Variants in DOCK2 observed in about 807,000 individuals in gnomAD.
DOCK2 encodes dedicator of cytokinesis 2.
In DOCK2, 87 loss-of-function variants were observed where a neutral mutation model predicts 248.9. That is an observed-to-expected ratio of 0.35 (90% CI 0.29 to 0.42). The LOEUF is 0.42. DOCK2 is among the 10% of genes least tolerant of loss of function. The pLI, the probability that DOCK2 is intolerant of heterozygous loss-of-function variation, is 1.00. For missense variants in DOCK2, 1,747 were observed against 2,300.2 expected (o/e 0.76, Z 4.92); for synonymous variants, 805 against 821.6 (o/e 0.98, Z 0.35).
chr5:169,842,856 G>A (rs1770070601), intron 27 of DOCK2, among the ~76,000 whole-genome samples: 1 of 152,140 alleles, frequency 6.6e-6, no homozygotes. Flanking sequence ...ACTCAGTACT[G>A]CCAGTCCTAT....
intron 35 of DOCK2, 144 bp downstream of exon 35, chr5:170,034,699 G>A: frequency 1.7e-6 from 2 of 1,192,128 alleles, no homozygotes; most frequent in Non-Finnish European, 2.3e-6. Flanking sequence ...AACGTCTGCT[G>A]CGCTTTCTGC....
intron 25 of DOCK2, among the ~76,000 whole-genome samples, chr5:169,795,852 G>A (rs915476755): frequency 2.6e-5 from 4 of 152,220 alleles, no homozygotes; most frequent in Admixed American, 2.6e-4. Context: ...CACAGGGAGG[G>A]CAGGGTGAGC....
intron 26 of DOCK2, among the ~76,000 whole-genome samples, chr5:169,817,351 T>A (rs1265032750): frequency 6.6e-6 from 1 of 152,240 alleles, no homozygotes; most frequent in Non-Finnish European, 1.5e-5. Flanking sequence ...TATCTTTCTA[T>A]CCAACAGCTC....
chr5:169,637,643 C>G (rs1756900847), intron 1 of DOCK2, among the ~76,000 whole-genome samples: 1 of 152,208 alleles, frequency 6.6e-6, no homozygotes, highest in Non-Finnish European at 1.5e-5. Context: ...CTGCGCTTGA[C>G]AACTCAGTTC....
In DOCK2 at chr5:169,674,456, T is replaced by C. The variant is rs1328574083; in HGVS notation, c.470+11T>C. 1.2e-6 allele frequency: 2 copies of C among 1,613,814 alleles called. No homozygotes were observed. The highest frequency in any genetic ancestry group is 1.3e-5 in the African/African-American group (1 of 74,922). On this transcript the variant is annotated intron_variant, in intron 6 of 51. Coordinates refer to ENST00000520908, the MANE Select transcript of DOCK2 (RefSeq NM_004946.3). ...TGACTATGGCAACAAGTAACCTCTC[T>C]TTCCTCTGCAAAGAGGTTTTCTTCC...
intron 8 of DOCK2, among the ~76,000 whole-genome samples, chr5:169,687,535 G>A (rs957358587): frequency 3.9e-5 from 6 of 152,102 alleles, no homozygotes; most frequent in African/African-American, 1.4e-4. Flanking sequence ...TGCCTTCTTA[G>A]GCTAACTTGA....
At chr5:169,677,516 G>A (rs551640745) in intron 6 of DOCK2, among the ~76,000 whole-genome samples, 24 of 152,236 alleles carry the variant, frequency 1.6e-4, no homozygotes, top group Middle Eastern at 3.4e-3. Context: ...ATGTTTACCC[G>A]TTGTGCATGC....
chr5:169,695,930 G>C lies in DOCK2; in HGVS notation c.971G>C (p.Gly324Ala). 6.2e-7 allele frequency: 1 copy of C among 1,602,070 alleles called. No individual in the cohort carries two copies. The highest frequency in any genetic ancestry group is 8.5e-7 in the Non-Finnish European group (1 of 1,174,412). The change falls in exon 10 of 52, where the codon GGG becomes GCG. Residue 324 changes from glycine (G) to alanine (A), a missense_variant. This residue lies in a region of DOCK2 where 375 missense variants were observed against 510.9 expected (regional missense o/e 0.73). Transcript: ENST00000520908. ...KCTQGLRRPFGVAVMDITDII... is the reference protein window; with the variant it reads ...KCTQGLRRPFAVAVMDITDII... ...ACGCAGGGACTGAGGAGGCCCTTTG[G>C]GGTGGCAGGTAAGGGGCACACTCTG...
At chr5:169,893,190 C>A (rs910206598) in intron 27 of DOCK2, among the ~76,000 whole-genome samples, 2 of 152,204 alleles carry the variant, frequency 1.3e-5, no homozygotes, top group Admixed American at 1.3e-4. Flanking sequence ...GGCACCTGCC[C>A]TGTAGGGACA....
At chr5:169,898,695 T>C (rs980224229) in intron 27 of DOCK2, among the ~76,000 whole-genome samples, 1 of 152,176 alleles carries the variant, frequency 6.6e-6, no homozygotes, top group Non-Finnish European at 1.5e-5. Flanking sequence ...TTTGCAGCTG[T>C]GTAGGCCATG....
At chr5:170,065,560 A>G (rs375113402) in intron 44 of DOCK2, among the ~76,000 whole-genome samples, 2 of 152,218 alleles carry the variant, frequency 1.3e-5, no homozygotes, top group South Asian at 2.1e-4. Context: ...TTACAAAAGA[A>G]AGACGTTTAT....
At chr5:169,819,254 G>A (rs1007883996) in intron 26 of DOCK2, among the ~76,000 whole-genome samples, 2 of 152,178 alleles carry the variant, frequency 1.3e-5, no homozygotes, top group African/African-American at 4.8e-5. Context: ...AGGTTGTAGT[G>A]AGCCAAGATC....
rs1422475564 is a variant in DOCK2 at position 169,674,327 on chromosome 5, C to T, written c.352C>T (p.Gln118Ter). 1.2e-6 allele frequency: 2 copies of T among 1,613,974 alleles called. No homozygotes were observed. Among genetic ancestry groups the T allele is most frequent in the Non-Finnish European group, 1.7e-6 (2 of 1,179,996 alleles). The change falls in exon 6 of 52, where the codon CAG (glutamine) becomes TAG (stop). Residue 118 changes from glutamine (Q) to a stop codon, truncating the protein, a stop_gained. Coordinates refer to ENST00000520908, the MANE Select transcript of DOCK2 (RefSeq NM_004946.3). LOFTEE classifies it high-confidence loss of function. Reference sequence around the variant, plus strand: ...CAAAAAGGAGCGTTTTCTCCAGGTGCAGTCCATGATGTACGATCTGATGGA... The same window carrying T: ...CAAAAAGGAGCGTTTTCTCCAGGTGTAGTCCATGATGTACGATCTGATGGA... ...ASKKERFLQV[Q>*]SMMYDLMEWR...
intron 46 of DOCK2, 74 bp from the exon 47 acceptor site, chr5:170,075,873 G>A (rs1042145655): frequency 3.1e-6 from 5 of 1,587,698 alleles, no homozygotes; most frequent in African/African-American, 1.3e-5. Context: ...GACTGCAGCT[G>A]CCTTGATGGG....
At chr5:169,712,286 A>C in intron 17 of DOCK2, 63 bp downstream of exon 17, 1 of 1,492,216 alleles carries the variant, frequency 6.7e-7, no homozygotes, top group South Asian at 1.1e-5. Context: ...GGTGATGGCA[A>C]AATTGCTTAG....
chr5:169,956,316 T>C (rs1346914881), intron 27 of DOCK2, among the ~76,000 whole-genome samples: 1 of 152,108 alleles, frequency 6.6e-6, no homozygotes, highest in African/African-American at 2.4e-5. Flanking sequence ...TAGAAAAAAT[T>C]AGGGAAATGA....
At chr5:169,964,844 G>A (rs1453953275) in intron 27 of DOCK2, among the ~76,000 whole-genome samples, 1 of 152,232 alleles carries the variant, frequency 6.6e-6, no homozygotes, top group Non-Finnish European at 1.5e-5. Context: ...GGATTCAAAG[G>A]GGGAACTGCA....
Position 169,764,912 on chromosome 5 carries a change from C to A in DOCK2, c.2554+3287C>A, listed in dbSNP as rs1764681486. ...GCCCTAGAATGTTTTTGTAAAGGGG[C>A]CATGTTACATATGCCTGGAAGAAGT... On this transcript the variant is annotated intron_variant, in intron 25 of 51. Coordinates refer to ENST00000520908, the MANE Select transcript of DOCK2 (RefSeq NM_004946.3). The surrounding 1 kb of genome is among the most constrained non-coding windows in gnomAD (Gnocchi z 4.3). Among the ~76,000 whole-genome samples the A allele has an allele frequency of 6.6e-6, 1 of 151,750 alleles. No individual in the cohort carries two copies. Among genetic ancestry groups the A allele is most frequent in the African/African-American group, 2.4e-5 (1 of 41,182 alleles).
intron 10 of DOCK2, 139 bp from the exon 11 acceptor site, chr5:169,698,235 T>C (rs1581053830): frequency 4.3e-6 from 3 of 705,070 alleles, no homozygotes; most frequent in East Asian, 5.8e-5. Context: ...TGTGCAGCAC[T>C]GGCTTGCTTG....
Sources: gnomAD v4.1 joint callset for allele counts (sites outside exome capture counted in the v4.1 genomes callset) on GRCh38, gnomAD v4.1.1 for gene constraint, gnomAD v4.1.1 regional missense constraint, Gnocchi (gnomAD v3.1) non-coding constraint, MANE v1.5 for transcripts, NCBI Gene and HGNC (gene_info 2026-07-23, HGNC 2026-07-21) for gene names.